Variants in TTC28 observed in about 807,000 individuals in gnomAD.
The protein encoded by TTC28 is tetratricopeptide repeat protein 28.
TTC28 carries 61 observed loss-of-function variants against 198.0 expected under a neutral mutation model. The ratio of observed to expected loss-of-function variants is 0.31; its 90% CI spans 0.25 to 0.38. The LOEUF is 0.38. Among genes scored for constraint, TTC28 ranks in the 10% least tolerant of loss-of-function variants. The pLI is 1.00. For synonymous variants in TTC28, 1,171 were observed against 1,297.8 expected (o/e 0.90, Z 2.10); for missense variants, 2,678 against 3,164.0 (o/e 0.85, Z 3.69).
At chr22:28,328,753 C>CAAAAAAAAAAAAA (rs1304062508) in intron 2 of TTC28, among the ~76,000 whole-genome samples, 1 of 96,244 alleles carries the variant, frequency 1.0e-5, no homozygotes, top group Admixed American at 1.4e-4. Context: ...GACTCTGTCT[C>CAAAAAAAAAAAAA]AAAAATAATA....
intron 2 of TTC28, among the ~76,000 whole-genome samples, chr22:28,443,405 G>A (rs1442369389): frequency 6.6e-6 from 1 of 152,128 alleles, no homozygotes; most frequent in African/African-American, 2.4e-5. Context: ...TGTATTTCTC[G>A]TTTGTAAAAT....
chr22:28,235,556 C>G (rs1198789385), intron 5 of TTC28, among the ~76,000 whole-genome samples: 2 of 152,068 alleles, frequency 1.3e-5, no homozygotes, highest in Admixed American at 1.3e-4. Flanking sequence ...TATAAAGTTT[C>G]TAGAATAGAA....
chr22:28,537,866 T>C (rs971385893), intron 2 of TTC28, among the ~76,000 whole-genome samples: 21 of 152,194 alleles, frequency 1.4e-4, no homozygotes, highest in Admixed American at 9.2e-4. Context: ...CTGTGCGCAG[T>C]GTACACTTTG....
In TTC28 at chr22:27,982,721, C is replaced by CAGG; in HGVS notation, c.6943_6945dup (p.Pro2315dup). 1 of 1,551,534 alleles carries CAGG rather than the reference C, an allele frequency of 6.4e-7. No individual in the cohort carries two copies. The highest frequency in any genetic ancestry group is 8.7e-7 in the Non-Finnish European group (1 of 1,146,942). On this transcript the variant is annotated inframe_insertion, in exon 23 of 23. Coordinates refer to ENST00000397906, the MANE Select transcript of TTC28 (RefSeq NM_001145418.2). This position sits in a 1 kb window ranked among gnomAD's most constrained non-coding sequence, Gnocchi z 5.2. ...AGAGCTGGGGAGGGTGCACTGCCAG[C>CAGG]AGGAGACTGGTGGCCGGAGCTTGGG...
At chr22:28,156,088 G>C (rs1165565257) in intron 6 of TTC28, among the ~76,000 whole-genome samples, 1 of 152,224 alleles carries the variant, frequency 6.6e-6, no homozygotes, top group Non-Finnish European at 1.5e-5. Flanking sequence ...AGAGTTCTAA[G>C]TCAGGATGGT....
rs1926483921 is a variant in TTC28, at chr22:28,207,194, C to T, written c.934-43595G>A. Reference sequence around the variant, plus strand: ...GCCACTAAGCCCTTCAAAAAGAATGCCACTTGATTTCAAGGGGGCTAAGCA... The same window carrying T: ...GCCACTAAGCCCTTCAAAAAGAATGTCACTTGATTTCAAGGGGGCTAAGCA... On this transcript the variant is annotated intron_variant, in intron 5 of 22. Transcript: ENST00000397906. Among the ~76,000 whole-genome samples, 3 of 149,630 alleles carry T rather than the reference C, an allele frequency of 2.0e-5. No homozygotes were observed. The South Asian group carries it at 6.4e-4, about 32-fold the overall frequency.
chr22:28,385,193 C>T (rs1318540119), intron 2 of TTC28, among the ~76,000 whole-genome samples: 1 of 150,336 alleles, frequency 6.7e-6, no homozygotes, highest in Admixed American at 6.6e-5. Flanking sequence ...CTGTCATTTC[C>T]AGCTATGTGA....
At chr22:28,189,795 A>C (rs959249282) in intron 5 of TTC28, among the ~76,000 whole-genome samples, 18 of 152,344 alleles carry the variant, frequency 1.2e-4, no homozygotes, top group African/African-American at 3.8e-4. Flanking sequence ...AGCTTGAAGA[A>C]GAATTTTAAT....
intron 12 of TTC28, among the ~76,000 whole-genome samples, chr22:28,071,966 C>T (rs1030962247): frequency 4.6e-5 from 7 of 152,050 alleles, no homozygotes; most frequent in Non-Finnish European, 7.4e-5. Context: ...TACTAGGAAT[C>T]GGAAGAGTTT....
intron 1 of TTC28, among the ~76,000 whole-genome samples, chr22:28,645,888 C>T (rs1174526061): frequency 6.6e-6 from 1 of 151,952 alleles, no homozygotes; most frequent in African/African-American, 2.4e-5. Context: ...CAGCGTCCCA[C>T]GTAGCTAGGA....
chr22:28,292,048 G>A (rs1367590351), intron 5 of TTC28, among the ~76,000 whole-genome samples: 11 of 151,820 alleles, frequency 7.2e-5, no homozygotes. Flanking sequence ...TAATTGTTAT[G>A]TAATTGGATA....
chr22:28,243,105 A>G (rs1425029192), intron 5 of TTC28, among the ~76,000 whole-genome samples: 2 of 144,608 alleles, frequency 1.4e-5, no homozygotes, highest in African/African-American at 5.1e-5. Context: ...TGGGAGGTCA[A>G]AGCAAGTGGA....
chr22:28,333,508 T>G (rs147105671), intron 2 of TTC28, among the ~76,000 whole-genome samples: 1 of 152,214 alleles, frequency 6.6e-6, no homozygotes, highest in Non-Finnish European at 1.5e-5. Context: ...GAACGTCCCT[T>G]TGCTCTATGA....
At chr22:28,658,794 C>A (rs2051698719) in intron 1 of TTC28, among the ~76,000 whole-genome samples, 1 of 152,134 alleles carries the variant, frequency 6.6e-6, no homozygotes, top group South Asian at 2.1e-4. Context: ...GTCAGGATTT[C>A]CAGATCAGCC....
In TTC28 at chr22:28,537,307, A is replaced by C. The variant is rs185645326; in HGVS notation, c.381+92245T>G. 1.8e-3 allele frequency among the ~76,000 whole-genome samples: 249 copies of C among 137,030 alleles called. 5 individuals are homozygous for C. The East Asian group carries it at 0.022, about 12-fold the overall frequency. 89.9% of individuals were successfully genotyped at this position (137,030 alleles called of 152,430 possible). A position where few individuals can be genotyped will look rare whatever the true frequency, so the allele number is the denominator to read the frequency against. On this transcript the variant is annotated intron_variant, in intron 2 of 22. Coordinates refer to ENST00000397906, the MANE Select transcript of TTC28 (RefSeq NM_001145418.2). Reference sequence around the variant, plus strand: ...GACTCCGTCTCAAAAATAAAATAAAATAAAATAAAATAAAATAAAATAAAA... The same window carrying C: ...GACTCCGTCTCAAAAATAAAATAAACTAAAATAAAATAAAATAAAATAAAA...
chr22:28,145,603 T>C (rs1398021323), intron 6 of TTC28, among the ~76,000 whole-genome samples: 1 of 152,206 alleles, frequency 6.6e-6, no homozygotes. Flanking sequence ...ATGGAGAGTT[T>C]GTCAGCAAGA....
At position 27,998,667 on chromosome 22, in the gene TTC28, A is replaced by C; in HGVS notation, c.4992T>G (p.Ala1664=). 1.3e-6 allele frequency: 2 copies of C among 1,550,848 alleles called. No homozygotes were observed. Among genetic ancestry groups the C allele is most frequent in the Non-Finnish European group, 1.7e-6 (2 of 1,147,000 alleles). ...AGAAGGCATGGATGAACATCTTAGA[A>C]GCAGCCACTGGCACAGGCCACAGAG... ...LVSLWPVPVA[A]SKMFIHAFYS... Residue 1664 remains alanine (A), a synonymous_variant, in exon 16 of 23, where the codon GCT becomes GCG. Transcript: ENST00000397906.
chr22:28,418,626 C>G (rs959189981), intron 2 of TTC28, among the ~76,000 whole-genome samples: 2 of 152,134 alleles, frequency 1.3e-5, no homozygotes, highest in Non-Finnish European at 2.9e-5. Flanking sequence ...AAAAGAGGCA[C>G]ACAGAGAGAA....
intron 12 of TTC28, among the ~76,000 whole-genome samples, chr22:28,083,134 TA>T (rs1941428655): frequency 6.6e-6 from 1 of 151,992 alleles, no homozygotes; most frequent in Admixed American, 6.6e-5. Context: ...GGATAAAGAT[TA>T]AAGTAGAAAT....
Sources: gnomAD v4.1 joint callset for allele counts (sites outside exome capture counted in the v4.1 genomes callset) on GRCh38, gnomAD v4.1.1 for gene constraint, Gnocchi (gnomAD v3.1) non-coding constraint, MANE v1.5 for transcripts, NCBI Gene and HGNC (gene_info 2026-07-23, HGNC 2026-07-21) for gene names.